TUT7: variants seen among roughly 807,000 people sequenced by gnomAD.
TUT7 encodes the protein terminal uridylyl transferase 7, also known as terminal uridylyltransferase 7.
Under a neutral mutation model 165.9 loss-of-function variants are expected in TUT7, and 33 were observed. The observed-to-expected ratio is 0.20, with a 90% CI of 0.15 to 0.27. The LOEUF is 0.27. Ranked by LOEUF, TUT7 falls within the 10% of genes least tolerant of loss-of-function variation. The probability of loss-of-function intolerance (pLI) is 1.00; values close to 1 mark genes in which losing one functional copy is unlikely to be tolerated. For synonymous variants in TUT7, 552 were observed against 608.1 expected (o/e 0.91, Z 1.36); for missense variants, 1,338 against 1,762.3 (o/e 0.76, Z 4.31).
At chr9:86,316,139 T>C (rs900858576) in intron 17 of TUT7, among the ~76,000 whole-genome samples, 3 of 152,240 alleles carry the variant, frequency 2.0e-5, no homozygotes, top group Non-Finnish European at 2.9e-5. Flanking sequence ...TTTGCTGAAC[T>C]ACATTTTAAA....
intron 10 of TUT7, among the ~76,000 whole-genome samples, chr9:86,332,893 T>C (rs577511780): frequency 4.6e-5 from 7 of 152,164 alleles, no homozygotes; most frequent in Non-Finnish European, 1.0e-4. Flanking sequence ...TCCTATCTCT[T>C]CATTTATTCC....
chr9:86,352,846 A>G lies in TUT7; in HGVS notation c.354T>C (p.Pro118=). 1 of 1,614,198 alleles carries G rather than the reference A, an allele frequency of 6.2e-7. No individual in the cohort carries two copies. Among genetic ancestry groups the G allele is most frequent in the East Asian group, 2.2e-5 (1 of 44,892 alleles). Reference sequence around the variant, plus strand: ...GGTTTATAACAGGAATTCTAGGTCCAGGTTTGAATTCTCTCCAGTTGTCTG... The same window carrying G: ...GGTTTATAACAGGAATTCTAGGTCCGGGTTTGAATTCTCTCCAGTTGTCTG... ...GNSDNWREFK[P]GPRIPVINRQ... Residue 118 remains proline, a synonymous_variant, in exon 2 of 27, where the codon CCT becomes CCC. Transcript: ENST00000375963.
At chr9:86,290,369 A>G (rs560882118) in intron 26 of TUT7, among the ~76,000 whole-genome samples, 1 of 152,326 alleles carries the variant, frequency 6.6e-6, no homozygotes, top group African/African-American at 2.4e-5. Context: ...TACTTTTCAA[A>G]GCAGGACATC....
intron 17 of TUT7, among the ~76,000 whole-genome samples, chr9:86,312,519 C>T (rs2131369279): frequency 6.6e-6 from 1 of 151,780 alleles, no homozygotes; most frequent in Middle Eastern, 3.4e-3. Context: ...CGGCCAGCTG[C>T]CCCGTCTGGG....
In TUT7 at chr9:86,346,443, C is replaced by A; in HGVS notation, c.558G>T (p.Arg186=). The A allele has an allele frequency of 6.2e-7, 1 of 1,614,018 alleles. No individual in the cohort carries two copies. The highest frequency in any genetic ancestry group is 8.5e-7 in the Non-Finnish European group (1 of 1,179,924). Reference sequence around the variant, plus strand: ...GCTCATTTTCCTCATTTCTAGTCTTCCGTGGCTTCCTAGGTCTGGACCTCT... The same window carrying A: ...GCTCATTTTCCTCATTTCTAGTCTTACGTGGCTTCCTAGGTCTGGACCTCT... ...KKQRSRPRKP[R]KTRNEENEQD... The change falls in exon 3 of 27, where the codon CGG becomes CGT. Residue 186 remains arginine (R), a synonymous_variant. Transcript: ENST00000375963.
At chr9:86,307,267 G>A (rs1827595160) in intron 22 of TUT7, among the ~76,000 whole-genome samples, 2 of 150,770 alleles carry the variant, frequency 1.3e-5, no homozygotes, top group South Asian at 4.2e-4. Flanking sequence ...AAGTGAGACT[G>A]TCTCAAGAAA....
chr9:86,334,718 T>C (rs1013527120), intron 10 of TUT7, among the ~76,000 whole-genome samples: 3 of 152,120 alleles, frequency 2.0e-5, no homozygotes, highest in African/African-American at 7.2e-5. Context: ...TCCTGAGTTT[T>C]TATACCCAGG....
At chr9:86,308,713 G>A (rs1827753132) in intron 21 of TUT7, 107 bp from the exon 22 acceptor site, 1 of 917,526 alleles carries the variant, frequency 1.1e-6, no homozygotes, top group Non-Finnish European at 1.6e-6. Flanking sequence ...TAATTAACTA[G>A]AGCTCAATTA....
chr9:86,328,208 G>T, intron 11 of TUT7, 132 bp downstream of exon 11: 1 of 787,936 alleles, frequency 1.3e-6, no homozygotes, highest in Non-Finnish European at 1.9e-6. Flanking sequence ...TCTGTTCGAG[G>T]TACTAAACAG....
chr9:86,313,168 A>G (rs1828383218), intron 17 of TUT7, among the ~76,000 whole-genome samples: 1 of 151,676 alleles, frequency 6.6e-6, no homozygotes, highest in South Asian at 2.1e-4. Context: ...AAATAAATAA[A>G]AAGAATTATC....
intron 26 of TUT7, among the ~76,000 whole-genome samples, chr9:86,294,628 C>T (rs1248592857): frequency 6.6e-6 from 1 of 151,484 alleles, no homozygotes; most frequent in Non-Finnish European, 1.5e-5. Context: ...TTCATTCACG[C>T]AGTAAATAAT....
chr9:86,340,530 A>G (rs1040478422), intron 7 of TUT7, among the ~76,000 whole-genome samples: 2 of 152,250 alleles, frequency 1.3e-5, no homozygotes, highest in African/African-American at 4.8e-5. Flanking sequence ...CAGTTTCATA[A>G]GGACTATGTA....
Position 86,323,547 on chromosome 9 carries a change from C to T in TUT7, c.2203G>A (p.Asp735Asn). 1 of 1,614,166 alleles carries T rather than the reference C, an allele frequency of 6.2e-7. No individual in the cohort carries two copies. Among genetic ancestry groups the T allele is most frequent in the South Asian group, 1.1e-5 (1 of 91,086 alleles). ...TGGTATACTTTATCACCCTTGTAAT[C>T]ATCAGAGTTAACATCTGCTTGGATA... ...DCIQADVNSDDYKGDKVYHPE... is the reference protein window; with the variant it reads ...DCIQADVNSDNYKGDKVYHPE... The change falls in exon 13 of 27, where the codon GAT becomes AAT. Residue 735 changes from aspartate (D) to asparagine (N), a missense_variant. By Grantham distance (23) the Asp-to-Asn change is conservative. This residue lies in a region of TUT7 where 425 missense variants were observed against 474.9 expected (regional missense o/e 0.89). Coordinates refer to ENST00000375963, the MANE Select transcript of TUT7 (RefSeq NM_024617.4).
chr9:86,348,395 A>G (rs1481042106), intron 2 of TUT7, among the ~76,000 whole-genome samples: 3 of 152,226 alleles, frequency 2.0e-5, no homozygotes, highest in African/African-American at 7.2e-5. Context: ...TGCGAATCCA[A>G]GAGAATAACT....
chr9:86,301,507 T>A lies in TUT7; in HGVS notation c.4189A>T (p.Lys1397Ter). 1 of 1,614,138 alleles carries A rather than the reference T, an allele frequency of 6.2e-7. No individual in the cohort carries two copies. Among genetic ancestry groups the A allele is most frequent in the Non-Finnish European group, 8.5e-7 (1 of 1,180,024 alleles). ...GTTGACACCTCCCTTTCTGTGTACT[T>A]GTTGTGAATTTCTTTGTCCTCTTTG... The part of the protein sequence containing the change: ...RSKEDKEIHN[K>*]YTEREVSTKE... Residue 1397 changes from lysine (K) to a stop codon, truncating the protein, a stop_gained, in exon 26 of 27, where the codon AAG (lysine) becomes TAG (stop). Transcript: ENST00000375963. LOFTEE classifies it high-confidence loss of function.
Position 86,317,204 on chromosome 9 carries a change from A to C in TUT7, c.3274+15T>G. On this transcript the variant is annotated intron_variant, in intron 17 of 26. Coordinates refer to ENST00000375963, the MANE Select transcript of TUT7 (RefSeq NM_024617.4). Reference sequence around the variant, plus strand: ...AAAAGTCAGAAATATTTTTAGAAAAAGTTTACAGAGGTACCTGAATGTTTT... The same window carrying C: ...AAAAGTCAGAAATATTTTTAGAAAACGTTTACAGAGGTACCTGAATGTTTT... 6.2e-7 allele frequency: 1 copy of C among 1,609,982 alleles called. No homozygotes were observed. Among genetic ancestry groups the C allele is most frequent in the Non-Finnish European group, 8.5e-7 (1 of 1,176,628 alleles).
In TUT7 at chr9:86,313,417, G is replaced by A. The variant is rs547014398; in HGVS notation, c.3275-2608C>T. 3.9e-5 allele frequency among the ~76,000 whole-genome samples: 6 copies of A among 152,288 alleles called. No homozygotes were observed. In the East Asian group the frequency reaches 1.2e-3, roughly 29 times the overall value. On this transcript the variant is annotated intron_variant, in intron 17 of 26. Coordinates refer to ENST00000375963, the MANE Select transcript of TUT7 (RefSeq NM_024617.4). Reference sequence around the variant, plus strand: ...TGGGAAGCTAGGGGTAGTAAGAGAGGATCAGGGCTTTCAGAGTAAGAGTTA... The same window carrying A: ...TGGGAAGCTAGGGGTAGTAAGAGAGAATCAGGGCTTTCAGAGTAAGAGTTA...
chr9:86,321,888 T>A (rs1829333689), intron 14 of TUT7, among the ~76,000 whole-genome samples: 1 of 152,088 alleles, frequency 6.6e-6, no homozygotes, highest in African/African-American at 2.4e-5. Context: ...CTAGCTTGGG[T>A]AACACAGGGA....
chr9:86,335,615 G>A (rs1830692894), intron 10 of TUT7, among the ~76,000 whole-genome samples: 1 of 152,154 alleles, frequency 6.6e-6, no homozygotes, highest in African/African-American at 2.4e-5. Context: ...TATACACAGT[G>A]CTTTAAATAT....
Sources: gnomAD v4.1 joint callset for allele counts (sites outside exome capture counted in the v4.1 genomes callset) on GRCh38, gnomAD v4.1.1 for gene constraint, gnomAD v4.1.1 regional missense constraint, MANE v1.5 for transcripts, NCBI Gene and HGNC (gene_info 2026-07-23, HGNC 2026-07-21) for gene names.